TIAM2: variants seen among roughly 807,000 people sequenced by gnomAD.
The protein encoded by TIAM2 is rho guanine nucleotide exchange factor TIAM2.
Under a neutral mutation model 152.9 loss-of-function variants are expected in TIAM2, and 80 were observed. The observed-to-expected ratio is 0.52, with a 90% CI of 0.44 to 0.63. TIAM2 has a LOEUF of 0.63. Ranked by LOEUF, TIAM2 falls within the 30% of genes least tolerant of loss-of-function variation. The pLI is 0.00. For synonymous variants in TIAM2, 804 were observed against 838.0 expected (o/e 0.96, Z 0.70); for missense variants, 1,965 against 2,120.1 (o/e 0.93, Z 1.44).
chr6:155,078,132 C>T (rs1416491300), intron 1 of TIAM2, among the ~76,000 whole-genome samples: 1 of 152,030 alleles, frequency 6.6e-6, no homozygotes, highest in Non-Finnish European at 1.5e-5. Context: ...AGTCACGGCT[C>T]CTCCTGGGCT....
Position 155,250,992 on chromosome 6 carries a change from C to A in TIAM2, c.4031C>A (p.Ala1344Asp), listed in dbSNP as rs753731724. ...WLNPFLSLGKARKDLELTVFV... is the reference protein window; with the variant it reads ...WLNPFLSLGKDRKDLELTVFV... Reference sequence around the variant, plus strand: ...AATCCATTTCTGTCTCTAGGAAAAGCTAGAAAGGACCTTGAGCTCACAGTA... The same window carrying A: ...AATCCATTTCTGTCTCTAGGAAAAGATAGAAAGGACCTTGAGCTCACAGTA... The change falls in exon 22 of 27, where the codon GCT (alanine) becomes GAT (aspartate). Residue 1344 changes from alanine to aspartate, a missense_variant. Transcript: ENST00000682666. 2 of 1,614,016 alleles carry A rather than the reference C, an allele frequency of 1.2e-6. No individual in the cohort carries two copies. Among genetic ancestry groups the A allele is most frequent in the African/African-American group, 2.7e-5 (2 of 74,928 alleles).
chr6:155,160,409 T>G (rs918245730), intron 7 of TIAM2, among the ~76,000 whole-genome samples: 6 of 152,188 alleles, frequency 3.9e-5, no homozygotes, highest in African/African-American at 1.2e-4. Flanking sequence ...TCCGCATTAC[T>G]CAGTCTACCC....
chr6:155,124,980 A>G (rs1779258711), intron 2 of TIAM2, among the ~76,000 whole-genome samples: 1 of 151,986 alleles, frequency 6.6e-6, no homozygotes, highest in African/African-American at 2.4e-5. Context: ...CACTAACTGT[A>G]ACAGTCACCA....
rs1562344129 is a variant in TIAM2, at chr6:155,179,429, A to G, written c.2680A>G (p.Thr894Ala). 1 of 1,613,596 alleles carries G rather than the reference A, an allele frequency of 6.2e-7. No individual in the cohort carries two copies. The highest frequency in any genetic ancestry group is 1.3e-5 in the African/African-American group (1 of 75,032). Residue 894 changes from threonine to alanine, a missense_variant, in exon 12 of 27, where the codon ACG (threonine) becomes GCG (alanine). Thr to Ala is a moderately conservative substitution (Grantham distance 58). Around this residue, in one of 3 missense-constraint regions of TIAM2, gnomAD observed 1,025 missense variants for 1,119.4 expected, o/e 0.92. Coordinates refer to ENST00000682666, the MANE Select transcript of TIAM2 (RefSeq NM_012454.4). ...ACTAAATGTTTATGACGTGCAGCTCACGAAGACTGGGAGTGTGTGTGACTT... is the reference window on the plus strand; with the variant it reads ...ACTAAATGTTTATGACGTGCAGCTCGCGAAGACTGGGAGTGTGTGTGACTT... ...FPLNVYDVQL[T>A]KTGSVCDFGF...
intron 14 of TIAM2, among the ~76,000 whole-genome samples, chr6:155,210,229 T>C (rs902543916): frequency 6.6e-6 from 1 of 152,022 alleles, no homozygotes; most frequent in Non-Finnish European, 1.5e-5. Flanking sequence ...TTTTTAATGT[T>C]TTAATTTTTA....
Position 155,250,997 on chromosome 6 carries a change from A to G in TIAM2, c.4036A>G (p.Lys1346Glu). 6.2e-7 allele frequency: 1 copy of G among 1,614,180 alleles called. No individual in the cohort carries two copies. The highest frequency in any genetic ancestry group is 8.5e-7 in the Non-Finnish European group (1 of 1,180,026). Residue 1346 changes from lysine to glutamate, a missense_variant, in exon 22 of 27, where the codon AAG becomes GAG. Lys to Glu is a moderately conservative substitution (Grantham distance 56). This residue lies in a region of TIAM2 where 935 missense variants were observed against 980.0 expected (regional missense o/e 0.95). Transcript: ENST00000682666. ...NPFLSLGKAR[K>E]DLELTVFVFK... The stretch of plus-strand genomic sequence containing the variant: ...ATTTCTGTCTCTAGGAAAAGCTAGA[A>G]AGGACCTTGAGCTCACAGTATTTGG...
Position 155,129,761 on chromosome 6 carries a change from G to A in TIAM2, c.538G>A (p.Gly180Ser). Reference protein sequence around the residue: ...DGCLRVEFHNGGNPSKVPAED... With the variant: ...DGCLRVEFHNSGNPSKVPAED... Reference sequence around the variant, plus strand: ...GTGTTTAAGGGTCGAGTTCCACAATGGTGGCAACCCCAGCAAAGTGCCTGC... The same window carrying A: ...GTGTTTAAGGGTCGAGTTCCACAATAGTGGCAACCCCAGCAAAGTGCCTGC... Residue 180 changes from glycine to serine, a missense_variant, in exon 4 of 27, where the codon GGT (glycine) becomes AGT (serine). By Grantham distance (56) the Gly-to-Ser change is moderately conservative (BLOSUM62 0). Coordinates refer to ENST00000682666, the MANE Select transcript of TIAM2 (RefSeq NM_012454.4). The surrounding 1 kb of genome is among the most constrained non-coding windows in gnomAD (Gnocchi z 4.8). The A allele has an allele frequency of 1.9e-6, 3 of 1,613,896 alleles. No individual in the cohort carries two copies. Among genetic ancestry groups the A allele is most frequent in the Non-Finnish European group, 2.5e-6 (3 of 1,180,034 alleles).
At position 155,132,654 on chromosome 6, in the gene TIAM2, G is replaced by A. The variant is rs575771256; in HGVS notation, c.1194+2237G>A. Among the ~76,000 whole-genome samples, 9 of 152,300 alleles carry A rather than the reference G, an allele frequency of 5.9e-5. No individual in the cohort carries two copies. The South Asian group carries it at 1.9e-3, about 32-fold the overall frequency. On this transcript the variant is annotated intron_variant, in intron 4 of 26. Transcript: ENST00000682666. ...GAGCATAATGGGAGACGCAGCTTCT[G>A]CTTACTTGAGGGCTGAAGTCCCAGG...
intron 1 of TIAM2, among the ~76,000 whole-genome samples, chr6:155,047,684 GA>G (rs1777212215): frequency 6.7e-5 from 2 of 29,802 alleles, no homozygotes; most frequent in East Asian, 6.1e-4. Flanking sequence ...GAGAGAGAGA[GA>G]GAGGAGAGAG....
intron 9 of TIAM2, 25 bp from the exon 10 acceptor site, chr6:155,176,791 A>G: frequency 6.2e-7 from 1 of 1,603,174 alleles, no homozygotes; most frequent in Non-Finnish European, 8.5e-7. Context: ...ATTTGTCTGC[A>G]TTTTCTTTTG....
intron 2 of TIAM2, among the ~76,000 whole-genome samples, chr6:155,113,038 A>G (rs978172881): frequency 2.6e-5 from 4 of 152,170 alleles, no homozygotes; most frequent in Admixed American, 6.5e-5. Flanking sequence ...AAAATGTCCC[A>G]TGATGAGCCT....
At chr6:155,086,010 A>G (rs1778164237) in intron 1 of TIAM2, among the ~76,000 whole-genome samples, 1 of 152,204 alleles carries the variant, frequency 6.6e-6, no homozygotes. Flanking sequence ...GTCCCGGCCC[A>G]CTGCAAATTC....
At chr6:155,047,698 A>AG (rs1225442673) in intron 1 of TIAM2, among the ~76,000 whole-genome samples, 7,734 of 40,586 alleles carry the variant, frequency 0.19, 812 homozygotes, top group East Asian at 0.26. Flanking sequence ...GGAGAGAGAG[A>AG]GAGAGAGCGA....
intron 16 of TIAM2, among the ~76,000 whole-genome samples, chr6:155,241,463 C>CT (rs1562368367): frequency 6.6e-6 from 1 of 151,830 alleles, no homozygotes; most frequent in African/African-American, 2.4e-5. Flanking sequence ...GTGGATGGCC[C>CT]CCTTCAACTC....
intron 15 of TIAM2, 78 bp downstream of exon 15, chr6:155,211,385 A>G (rs1409321489): frequency 1.7e-6 from 2 of 1,160,340 alleles, no homozygotes; most frequent in East Asian, 5.0e-5. Context: ...AGGTGGGGAA[A>G]GGAGATGGAG....
chr6:155,090,654 G>T (rs1470249117), intron 2 of TIAM2, among the ~76,000 whole-genome samples: 1 of 152,148 alleles, frequency 6.6e-6, no homozygotes, highest in Non-Finnish European at 1.5e-5. Context: ...AGGCCTCTCT[G>T]GGACCTTAGG....
intron 9 of TIAM2, chr6:155,168,986 TTTTTTGTTTG>T (rs1562339676): frequency 9.3e-6 from 13 of 1,398,650 alleles, no homozygotes; most frequent in African/African-American, 2.9e-5. Context: ...TTTTCTGTTT[TTTTTTGTTTG>T]TTTTTGTTTT....
At chr6:155,049,516 T>C (rs969279415) in intron 1 of TIAM2, among the ~76,000 whole-genome samples, 1 of 152,184 alleles carries the variant, frequency 6.6e-6, no homozygotes, top group Non-Finnish European at 1.5e-5. Context: ...TAACTGTGAC[T>C]TGGCTGGTTC....
chr6:155,140,677 G>A (rs1779678466), intron 5 of TIAM2, among the ~76,000 whole-genome samples: 1 of 151,978 alleles, frequency 6.6e-6, no homozygotes, highest in Non-Finnish European at 1.5e-5. Flanking sequence ...AGCCGTGCTA[G>A]ATGGAGGAGG....
Sources: allele counts gnomAD v4.1 joint callset (sites outside exome capture counted in the v4.1 genomes callset), GRCh38; gene constraint gnomAD v4.1.1; regional missense constraint gnomAD v4.1.1; non-coding constraint Gnocchi (gnomAD v3.1); transcripts MANE v1.5; gene names NCBI Gene and HGNC (gene_info 2026-07-23, HGNC 2026-07-21).